Variants in BTBD7 observed in about 807,000 individuals in gnomAD.
BTBD7 encodes the protein BTB/POZ domain-containing protein 7.
In BTBD7, 38 loss-of-function variants were observed where a neutral mutation model predicts 99.9. The ratio of observed to expected loss-of-function variants is 0.38; its 90% CI spans 0.29 to 0.50. The LOEUF is 0.50. Ranked by LOEUF, BTBD7 falls within the 20% of genes least tolerant of loss-of-function variation. The pLI, the probability that BTBD7 is intolerant of heterozygous loss-of-function variation, is 0.93. For missense variants in BTBD7, 1,170 were observed against 1,394.6 expected (o/e 0.84, Z 2.57); for synonymous variants, 520 against 511.4 (o/e 1.02, Z -0.23).
rs951864072 is a variant in BTBD7, at chr14:93,242,848, A to G, written c.2824T>C (p.Tyr942His). Residue 942 changes from tyrosine (Y) to histidine (H), a missense_variant, in exon 11 of 11, where the codon TAT becomes CAT. Around this residue, in one of 4 missense-constraint regions of BTBD7, gnomAD observed 495 missense variants for 525.9 expected, o/e 0.94. Transcript: ENST00000334746. ...TTTGAGAAGTCATAGAAATCCGGAT[A>G]TTCCTGTGGATTTTCTCTGGTGTCT... Reference protein sequence around the residue: ...KTDTRENPQEYPDFYDFSNAA... With the variant: ...KTDTRENPQEHPDFYDFSNAA... 3 of 1,614,100 alleles carry G rather than the reference A, an allele frequency of 1.9e-6. No homozygotes were observed. In the South Asian group the frequency reaches 3.3e-5, roughly 18 times the overall value.
chr14:93,288,690 T>G, intron 3 of BTBD7: 1 of 1,599,206 alleles, frequency 6.3e-7, no homozygotes, highest in East Asian at 2.2e-5. Flanking sequence ...CAGGCAGGCC[T>G]GATGACTGTA....
rs1295030754 is a variant in BTBD7, at chr14:93,296,308, T to C, written c.-106-151A>G. The C allele has an allele frequency of 7.7e-6, 4 of 522,566 alleles. No individual in the cohort carries two copies. In the African/African-American group the frequency reaches 7.9e-5, roughly 10 times the overall value. 32.4% of individuals were successfully genotyped at this position (522,566 alleles called of 1,614,324 possible). On this transcript the variant is annotated intron_variant, in intron 1 of 10. Coordinates refer to ENST00000334746, the MANE Select transcript of BTBD7 (RefSeq NM_001002860.4). Reference sequence around the variant, plus strand: ...CAAATTTTCATAAAATGTAAATCTTTAAGCTTGAATTATCTGTGTTAGCTG... The same window carrying C: ...CAAATTTTCATAAAATGTAAATCTTCAAGCTTGAATTATCTGTGTTAGCTG...
At chr14:93,325,703 A>T (rs890831596) in intron 1 of BTBD7, among the ~76,000 whole-genome samples, 3 of 151,848 alleles carry the variant, frequency 2.0e-5, no homozygotes, top group African/African-American at 7.3e-5. Context: ...TATAAACATC[A>T]GTCAGAATCT....
At chr14:93,303,657 T>C (rs576623342) in intron 1 of BTBD7, among the ~76,000 whole-genome samples, 1 of 152,252 alleles carries the variant, frequency 6.6e-6, no homozygotes, top group South Asian at 2.1e-4. Flanking sequence ...TCCTGGAAAG[T>C]GGTGCGTTAA....
chr14:93,303,490 C>T (rs1485347621), intron 1 of BTBD7, among the ~76,000 whole-genome samples: 1 of 151,964 alleles, frequency 6.6e-6, no homozygotes, highest in East Asian at 1.9e-4. Context: ...GACTGCCACT[C>T]GGAAAGCAGA....
intron 1 of BTBD7, among the ~76,000 whole-genome samples, chr14:93,310,479 A>G (rs1278129773): frequency 6.6e-6 from 1 of 152,168 alleles, no homozygotes; most frequent in Non-Finnish European, 1.5e-5. Context: ...GATTTTGCCA[A>G]ATGTATTACC....
chr14:93,293,182 G>T (rs904475702), intron 3 of BTBD7, among the ~76,000 whole-genome samples: 1 of 152,120 alleles, frequency 6.6e-6, no homozygotes, highest in Non-Finnish European at 1.5e-5. Flanking sequence ...ACCAACAGAT[G>T]TATACTTCTT....
rs149383319 is a variant in BTBD7 at position 93,242,992 on chromosome 14, C to G, written c.2680G>C (p.Asp894His). 1.1e-4 allele frequency: 171 copies of G among 1,613,992 alleles called. No individual in the cohort carries two copies. Among genetic ancestry groups the G allele is most frequent in the Non-Finnish European group, 1.4e-4 (168 of 1,180,044 alleles). Residue 894 changes from aspartate to histidine, a missense_variant, in exon 11 of 11, where the codon GAC (aspartate) becomes CAC (histidine). By Grantham distance (81) the Asp-to-His change is moderately conservative. Coordinates refer to ENST00000334746, the MANE Select transcript of BTBD7 (RefSeq NM_001002860.4). The stretch of plus-strand genomic sequence containing the variant: ...GAAACTGACTGGCTTAATTCTGTGT[C>G]TACAGCAAGCTCTGGAAGCCTCCTG... Reference protein sequence around the residue: ...KDRRLPELAVDTELSQSVSEA... With the variant: ...KDRRLPELAVHTELSQSVSEA...
intron 3 of BTBD7, among the ~76,000 whole-genome samples, chr14:93,291,274 T>C (rs1488241269): frequency 7.2e-5 from 11 of 152,184 alleles, no homozygotes; most frequent in Non-Finnish European, 1.3e-4. Flanking sequence ...ACTCAGATCA[T>C]TTAACATATA....
At chr14:93,308,183 A>G (rs374099910) in intron 1 of BTBD7, among the ~76,000 whole-genome samples, 3 of 150,244 alleles carry the variant, frequency 2.0e-5, no homozygotes, top group African/African-American at 7.4e-5. Flanking sequence ...GCTCCTCGGG[A>G]GGCTGAGGCA....
intron 1 of BTBD7, among the ~76,000 whole-genome samples, chr14:93,308,158 G>C (rs1476941286): frequency 6.6e-6 from 1 of 151,974 alleles, no homozygotes; most frequent in Non-Finnish European, 1.5e-5. Flanking sequence ...GTGGTGGTGG[G>C]CGCCTGCAGT....
At chr14:93,298,304 T>A (rs2052954313) in intron 1 of BTBD7, among the ~76,000 whole-genome samples, 2 of 152,196 alleles carry the variant, frequency 1.3e-5, no homozygotes, top group African/African-American at 2.4e-5. Flanking sequence ...ACGTTGAGCA[T>A]CCCTAATCAG....
chr14:93,257,352 G>A lies in BTBD7; in HGVS notation c.1451C>T (p.Pro484Leu), dbSNP rs1380073505. The change falls in exon 6 of 11, where the codon CCA (proline) becomes CTA (leucine). Residue 484 changes from proline (P) to leucine (L), a missense_variant. Physicochemically the swap from Pro to Leu is moderately conservative, Grantham distance 98 (BLOSUM62 -3). Around this residue, in one of 4 missense-constraint regions of BTBD7, gnomAD observed 309 missense variants for 342.0 expected, o/e 0.90. Transcript: ENST00000334746. Reference protein sequence around the residue: ...QLMKRIADREPNLLSGTAHSV... With the variant: ...QLMKRIADRELNLLSGTAHSV... ...ATGGGCAGTGCCACTCAGTAAGTTTGGCTCTATGAGACAGAAAATGAAAAG... is the reference window on the plus strand; with the variant it reads ...ATGGGCAGTGCCACTCAGTAAGTTTAGCTCTATGAGACAGAAAATGAAAAG... The A allele has an allele frequency of 3.1e-6, 5 of 1,592,094 alleles. No individual in the cohort carries two copies.
intron 8 of BTBD7, 27 bp from the exon 9 acceptor site, chr14:93,248,681 C>A: frequency 6.4e-7 from 1 of 1,559,620 alleles, no homozygotes; most frequent in Non-Finnish European, 8.7e-7. Context: ...AGTGGGCAAG[C>A]AAAATTCCTG....
intron 1 of BTBD7, among the ~76,000 whole-genome samples, chr14:93,309,793 A>C (rs1332316132): frequency 6.6e-6 from 1 of 152,158 alleles, no homozygotes; most frequent in Admixed American, 6.5e-5. Context: ...TTAAATGACT[A>C]AGCTTCTCTA....
At chr14:93,277,704 C>T (rs950676522) in intron 3 of BTBD7, among the ~76,000 whole-genome samples, 1 of 152,200 alleles carries the variant, frequency 6.6e-6, no homozygotes, top group African/African-American at 2.4e-5. Context: ...TGAATGACAG[C>T]TATTTCTATA....
chr14:93,330,820 G>T (rs59530356), intron 1 of BTBD7, among the ~76,000 whole-genome samples: 18,033 of 152,170 alleles, frequency 0.12, 1,338 homozygotes, highest in African/African-American at 0.21. Flanking sequence ...CTATAAAAAT[G>T]CTGTGACTCA....
chr14:93,261,816 G>A (rs1296910068), intron 4 of BTBD7, 139 bp from the exon 5 acceptor site: 16 of 641,876 alleles, frequency 2.5e-5, no homozygotes, highest in Non-Finnish European at 4.0e-5. Context: ...TGAAGTTTTA[G>A]TGTTAAATCT....
At chr14:93,289,426 C>T (rs569036180) in intron 3 of BTBD7, among the ~76,000 whole-genome samples, 2 of 152,216 alleles carry the variant, frequency 1.3e-5, no homozygotes, top group Non-Finnish European at 2.9e-5. Flanking sequence ...TTCCACCTGG[C>T]CTGAGCCACG....
Sources: gnomAD v4.1 joint callset for allele counts (sites outside exome capture counted in the v4.1 genomes callset) on GRCh38, gnomAD v4.1.1 for gene constraint, gnomAD v4.1.1 regional missense constraint, MANE v1.5 for transcripts, NCBI Gene and HGNC (gene_info 2026-07-23, HGNC 2026-07-21) for gene names.